Variants in C16orf87 observed in about 807,000 individuals in gnomAD.
C16orf87 encodes the protein UPF0547 protein C16orf87.
In C16orf87, 13 loss-of-function variants were observed where a neutral mutation model predicts 21.0. The observed-to-expected ratio is 0.62, with a 90% CI of 0.40 to 0.98. C16orf87 has a LOEUF of 0.98. Ranked by LOEUF, C16orf87 falls within the 50% of genes least tolerant of loss-of-function variation. The probability of loss-of-function intolerance (pLI) is 0.00; values close to 1 mark genes in which losing one functional copy is unlikely to be tolerated. For synonymous variants in C16orf87, 49 were observed against 60.2 expected (o/e 0.81, Z 0.86); for missense variants, 113 against 180.4 (o/e 0.63, Z 2.14).
intron 2 of C16orf87, among the ~76,000 whole-genome samples, chr16:46,813,750 C>T (rs190596022): frequency 7.9e-5 from 12 of 152,332 alleles, no homozygotes; most frequent in African/African-American, 2.6e-4. Context: ...CACGGCTCTT[C>T]ATAAGATAAG....
At chr16:46,822,301 A>T (rs1959446048) in intron 2 of C16orf87, among the ~76,000 whole-genome samples, 1 of 152,176 alleles carries the variant, frequency 6.6e-6, no homozygotes, top group Non-Finnish European at 1.5e-5. Flanking sequence ...AAAATACTTG[A>T]ATTAAAAAAA....
intron 1 of C16orf87, 31 bp downstream of exon 1, chr16:46,831,049 GCCGC>G: frequency 6.5e-7 from 1 of 1,543,864 alleles, no homozygotes; most frequent in Non-Finnish European, 8.8e-7. Context: ...CCAAGCCACT[GCCGC>G]CCGCCCGCGC....
At chr16:46,831,026 C>G in intron 1 of C16orf87, 58 bp downstream of exon 1, 1 of 1,436,406 alleles carries the variant, frequency 7.0e-7, no homozygotes. Context: ...CCCCCCTCCA[C>G]AGACAACGGC....
chr16:46,817,435 C>T (rs1968282842), intron 2 of C16orf87, among the ~76,000 whole-genome samples: 1 of 152,024 alleles, frequency 6.6e-6, no homozygotes, highest in African/African-American at 2.4e-5. Context: ...CCCTGTAATT[C>T]CAGCACTTTG....
chr16:46,811,713 G>A (rs1253553631), intron 2 of C16orf87, among the ~76,000 whole-genome samples: 2 of 152,282 alleles, frequency 1.3e-5, no homozygotes, highest in Middle Eastern at 3.4e-3. Flanking sequence ...AAATGGACAG[G>A]TGATGCCATT....
chr16:46,806,311 A>G (rs1051948580), intron 3 of C16orf87, among the ~76,000 whole-genome samples: 7 of 143,308 alleles, frequency 4.9e-5, no homozygotes, highest in African/African-American at 1.8e-4. Flanking sequence ...AGGCTGGAGC[A>G]CAGTGACGCG....
intron 1 of C16orf87, among the ~76,000 whole-genome samples, chr16:46,829,215 C>A (rs1959748763): frequency 6.6e-6 from 1 of 152,064 alleles, no homozygotes; most frequent in African/African-American, 2.4e-5. Flanking sequence ...CAGCCATCTG[C>A]AAGCCAAGAA....
intron 2 of C16orf87, among the ~76,000 whole-genome samples, chr16:46,820,836 T>C (rs553663631): frequency 1.3e-5 from 2 of 152,348 alleles, no homozygotes; most frequent in Admixed American, 1.3e-4. Context: ...AGACTATCCA[T>C]TTTGCCATAC....
chr16:46,819,449 A>AC (rs1161733972), intron 2 of C16orf87, among the ~76,000 whole-genome samples: 5 of 151,788 alleles, frequency 3.3e-5, no homozygotes, highest in Non-Finnish European at 7.4e-5. Flanking sequence ...ATTTGAGATT[A>AC]CAAGTGCACA....
At chr16:46,824,321 C>A in intron 2 of C16orf87, 65 bp downstream of exon 2, 1 of 771,480 alleles carries the variant, frequency 1.3e-6, no homozygotes, top group Non-Finnish European at 2.2e-6. Context: ...TAAATAGAAA[C>A]TTCACAAAAA....
At chr16:46,821,193 G>C (rs573225889) in intron 2 of C16orf87, among the ~76,000 whole-genome samples, 12 of 152,302 alleles carry the variant, frequency 7.9e-5, no homozygotes, top group African/African-American at 2.4e-4. Flanking sequence ...GCAAATGTTA[G>C]ACATTTTCAT....
Position 46,802,893 on chromosome 16 carries a change from G to C in C16orf87, c.*59C>G. ...AGAATGCTCCTGAGAGTCCATAACT[G>C]TTTGAGAATTTGCTGATGTTATCCT... is the stretch of plus-strand genomic sequence containing the variant. On this transcript the variant is annotated 3_prime_UTR_variant, in exon 4 of 4. Transcript: ENST00000285697. 1 of 821,618 alleles carries C rather than the reference G, an allele frequency of 1.2e-6. No homozygotes were observed. The highest frequency in any genetic ancestry group is 2.1e-6 in the Non-Finnish European group (1 of 468,984). The allele number at this position is 821,618 out of a possible 1,614,324, so 50.9% of individuals were successfully genotyped here.
intron 1 of C16orf87, among the ~76,000 whole-genome samples, chr16:46,827,431 G>A (rs1959659866): frequency 6.6e-6 from 1 of 151,886 alleles, no homozygotes; most frequent in Non-Finnish European, 1.5e-5. Flanking sequence ...TAACAGTACT[G>A]AAATTCTAAT....
intron 3 of C16orf87, among the ~76,000 whole-genome samples, chr16:46,808,899 C>T (rs1968000051): frequency 6.7e-6 from 1 of 150,322 alleles, no homozygotes. Flanking sequence ...AGGAAGCACA[C>T]AAATCTCCCA....
intron 3 of C16orf87, among the ~76,000 whole-genome samples, chr16:46,804,655 T>C (rs1224057215): frequency 6.6e-6 from 1 of 152,196 alleles, no homozygotes; most frequent in East Asian, 1.9e-4. Flanking sequence ...ATCTTTTATG[T>C]GTTCAACTGG....
intron 2 of C16orf87, among the ~76,000 whole-genome samples, chr16:46,823,820 A>G (rs1959512921): frequency 6.6e-6 from 1 of 152,200 alleles, no homozygotes; most frequent in African/African-American, 2.4e-5. Context: ...AAATAATTAC[A>G]CTCAGTGAAA....
chr16:46,815,609 A>T (rs146094194), intron 2 of C16orf87, among the ~76,000 whole-genome samples: 1 of 152,178 alleles, frequency 6.6e-6, no homozygotes, highest in Non-Finnish European at 1.5e-5. Flanking sequence ...TCTCCAAAGA[A>T]GATATATAAA....
upstream of C16orf87, chr16:46,831,180 C>CGGCTCG (rs1179056926): frequency 1.3e-6 from 2 of 1,540,180 alleles, no homozygotes; most frequent in Non-Finnish European, 1.8e-6. Context: ...GCAGCAGCGA[C>CGGCTCG]GGCTCGGGCT....
rs1247208506 is a variant in C16orf87, at chr16:46,809,782, T to C, written c.167A>G (p.Asn56Ser). Residue 56 changes from asparagine to serine, a missense_variant, in exon 3 of 4, where the codon AAC becomes AGC. Coordinates refer to ENST00000285697, the MANE Select transcript of C16orf87 (RefSeq NM_001001436.4). ...TCGCCTCCTCTTGGCCTCATGCTTG[T>C]TTTCTGTATGGATGAATAAAAGTGA... ...HSEKSPPSTE[N>S]KHEAKRRRTE... 4 of 1,596,438 alleles carry C rather than the reference T, an allele frequency of 2.5e-6. No individual in the cohort carries two copies. In the South Asian group the frequency reaches 4.4e-5, roughly 18 times the overall value.
Sources: allele counts gnomAD v4.1 joint callset (sites outside exome capture counted in the v4.1 genomes callset), GRCh38; gene constraint gnomAD v4.1.1; transcripts MANE v1.5; gene names NCBI Gene and HGNC (gene_info 2026-07-23, HGNC 2026-07-21).